The following GPATCH8 variants were observed in gnomAD, a reference collection of about 807,000 sequenced individuals.
GPATCH8 encodes G patch domain-containing protein 8.
Under a neutral mutation model 118.3 loss-of-function variants are expected in GPATCH8, and 18 were observed. That is an observed-to-expected ratio of 0.15 (90% confidence interval 0.11 to 0.23). The LOEUF (loss-of-function observed/expected upper bound fraction) is 0.23, where lower values mean the gene tolerates loss of function less well. Among genes scored for constraint, GPATCH8 ranks in the 10% least tolerant of loss-of-function variants. The pLI, the probability that GPATCH8 is intolerant of heterozygous loss-of-function variation, is 1.00. For missense variants in GPATCH8, 1,631 were observed against 1,873.8 expected (o/e 0.87, Z 2.39); for synonymous variants, 659 against 684.7 (o/e 0.96, Z 0.59).
Position 44,398,986 on chromosome 17 carries a change from A to G in GPATCH8, c.3091T>C (p.Tyr1031His). 1 of 1,613,952 alleles carries G rather than the reference A, an allele frequency of 6.2e-7. No homozygotes were observed. The highest frequency in any genetic ancestry group is 8.5e-7 in the Non-Finnish European group (1 of 1,179,882). The change falls in exon 8 of 8, where the codon TAC becomes CAC. Residue 1031 changes from tyrosine (Y) to histidine (H), a missense_variant. Tyr to His is a moderately conservative substitution (Grantham distance 83). Transcript: ENST00000591680. ...GRRDFIRSKIYRSQSPHYFRS... is the reference protein window; with the variant it reads ...GRRDFIRSKIHRSQSPHYFRS... The stretch of plus-strand genomic sequence containing the variant: ...AAATAGTGGGGGGACTGGGAGCGGT[A>G]GATCTTAGAACGAATGAAGTCCCGA...
intron 5 of GPATCH8, among the ~76,000 whole-genome samples, chr17:44,433,971 T>A (rs1193090096): frequency 1.3e-5 from 2 of 151,710 alleles, no homozygotes; most frequent in African/African-American, 4.8e-5. Context: ...AAACCCCATC[T>A]CTACCAAAAA....
Position 44,433,115 on chromosome 17 carries a change from C to T in GPATCH8, c.348+1950G>A, listed in dbSNP as rs762905931. The stretch of plus-strand genomic sequence containing the variant: ...CTCCCAAAGCACAGCCGTGATCCAC[C>T]GCACCCAGCCGAGAAATAATTCTAT... On this transcript the variant is annotated intron_variant, in intron 5 of 7. Transcript: ENST00000591680. Among the ~76,000 whole-genome samples, 3 of 151,958 alleles carry T rather than the reference C, an allele frequency of 2.0e-5. No homozygotes were observed. The East Asian group carries it at 5.8e-4, about 29-fold the overall frequency.
chr17:44,497,221 G>A (rs573626280), intron 1 of GPATCH8, among the ~76,000 whole-genome samples: 28 of 152,264 alleles, frequency 1.8e-4, no homozygotes, highest in African/African-American at 6.3e-4. Context: ...TAAGTCACAA[G>A]AGCAAAAATG....
chr17:44,414,117 G>GTGTA (rs1188510198), intron 6 of GPATCH8, among the ~76,000 whole-genome samples: 1 of 138,090 alleles, frequency 7.2e-6, no homozygotes, highest in South Asian at 2.2e-4. Flanking sequence ...ATATATATAT[G>GTGTA]TATATATATG....
chr17:44,427,326 A>G (rs1352831362), intron 5 of GPATCH8, among the ~76,000 whole-genome samples: 8 of 151,856 alleles, frequency 5.3e-5, no homozygotes. Flanking sequence ...ATGTTTATAT[A>G]AAATACATAT....
At chr17:44,408,243 G>T (rs2049305169) in intron 6 of GPATCH8, among the ~76,000 whole-genome samples, 1 of 24,574 alleles carries the variant, frequency 4.1e-5, no homozygotes, top group South Asian at 6.4e-4. Context: ...GAGTGCAGTG[G>T]TGTGTGATCT....
chr17:44,499,701 ATTATC>A (rs1221445118), intron 1 of GPATCH8, among the ~76,000 whole-genome samples: 6 of 152,222 alleles, frequency 3.9e-5, no homozygotes. Context: ...CAAAGTGTTG[ATTATC>A]TTAAGTTATA....
chr17:44,425,836 T>G (rs1159499332), intron 5 of GPATCH8, among the ~76,000 whole-genome samples: 1 of 152,146 alleles, frequency 6.6e-6, no homozygotes, highest in African/African-American at 2.4e-5. Flanking sequence ...GCTGCAAATT[T>G]AAGCAACAAA....
chr17:44,458,606 C>T (rs569354808), intron 3 of GPATCH8, among the ~76,000 whole-genome samples: 3 of 152,260 alleles, frequency 2.0e-5, no homozygotes, highest in African/African-American at 7.2e-5. Context: ...ACTGCAACTT[C>T]GAACTCCTGG....
At position 44,399,010 on chromosome 17, in the gene GPATCH8, G is replaced by A. The variant is rs760710156; in HGVS notation, c.3067C>T (p.Arg1023Trp). The change falls in exon 8 of 8, where the codon CGG becomes TGG. Residue 1023 changes from arginine to tryptophan, a missense_variant. Arg to Trp is a moderately radical substitution (Grantham distance 101, BLOSUM62 -3). Coordinates refer to ENST00000591680, the MANE Select transcript of GPATCH8 (RefSeq NM_001002909.4). Reference sequence around the variant, plus strand: ...TAGATCTTAGAACGAATGAAGTCCCGACGCCCAGAATGCCTCTCCTCAGGG... The same window carrying A: ...TAGATCTTAGAACGAATGAAGTCCCAACGCCCAGAATGCCTCTCCTCAGGG... ...ESPEERHSGR[R>W]DFIRSKIYRS... 78 of 1,613,718 alleles carry A rather than the reference G, an allele frequency of 4.8e-5. No individual in the cohort carries two copies. Among genetic ancestry groups the A allele is most frequent in the African/African-American group, 2.1e-4 (16 of 74,876 alleles).
chr17:44,431,403 C>T (rs1273111929), intron 5 of GPATCH8, among the ~76,000 whole-genome samples: 2 of 131,378 alleles, frequency 1.5e-5, no homozygotes, highest in Non-Finnish European at 3.3e-5. Context: ...AAAAAAAAGG[C>T]GAAAAACACA....
At chr17:44,461,616 G>A (rs2051552603) in intron 3 of GPATCH8, among the ~76,000 whole-genome samples, 1 of 152,152 alleles carries the variant, frequency 6.6e-6, no homozygotes, top group African/African-American at 2.4e-5. Flanking sequence ...CATGGAGATG[G>A]AGGCAAAATA....
intron 6 of GPATCH8, among the ~76,000 whole-genome samples, chr17:44,419,495 T>G (rs2049812315): frequency 6.6e-6 from 1 of 152,170 alleles, no homozygotes; most frequent in South Asian, 2.1e-4. Flanking sequence ...ATTATTTTTT[T>G]TTGTTGTCCG....
chr17:44,427,934 T>C (rs2050147462), intron 5 of GPATCH8, among the ~76,000 whole-genome samples: 1 of 152,134 alleles, frequency 6.6e-6, no homozygotes. Context: ...CATCCATCCA[T>C]GTATCCATCC....
Position 44,399,144 on chromosome 17 carries a change from G to A in GPATCH8, c.2933C>T (p.Thr978Ile). 1 of 1,607,264 alleles carries A rather than the reference G, an allele frequency of 6.2e-7. No homozygotes were observed. The highest frequency in any genetic ancestry group is 8.5e-7 in the Non-Finnish European group (1 of 1,174,212). Residue 978 changes from threonine (T) to isoleucine (I), a missense_variant, in exon 8 of 8, where the codon ACA (threonine) becomes ATA (isoleucine). Coordinates refer to ENST00000591680, the MANE Select transcript of GPATCH8 (RefSeq NM_001002909.4). Reference sequence around the variant, plus strand: ...CCGGCTCCGTTGCCAGCTGTGGGCTGTGGTGCTACGGCTTCTCCGCTTGCT... The same window carrying A: ...CCGGCTCCGTTGCCAGCTGTGGGCTATGGTGCTACGGCTTCTCCGCTTGCT... Reference protein sequence around the residue: ...SRSKRRSRSTTAHSWQRSRSY... With the variant: ...SRSKRRSRSTIAHSWQRSRSY...
chr17:44,440,934 T>C (rs1490736519), intron 3 of GPATCH8, among the ~76,000 whole-genome samples: 2 of 152,176 alleles, frequency 1.3e-5, no homozygotes, highest in Non-Finnish European at 2.9e-5. Context: ...CACTGCAACC[T>C]CCGCCTCCCA....
At chr17:44,484,175 G>C (rs1042977116) in intron 1 of GPATCH8, among the ~76,000 whole-genome samples, 3 of 151,114 alleles carry the variant, frequency 2.0e-5, no homozygotes, top group Non-Finnish European at 4.4e-5. Flanking sequence ...GCAGAAACAG[G>C]GTTTCGCCAT....
intron 1 of GPATCH8, among the ~76,000 whole-genome samples, chr17:44,497,571 G>A (rs761449602): frequency 5.3e-5 from 8 of 152,080 alleles, no homozygotes; most frequent in Admixed American, 1.3e-4. Context: ...CTGAGTGACA[G>A]AGTGAGACCT....
intron 3 of GPATCH8, among the ~76,000 whole-genome samples, chr17:44,442,424 T>TA (rs2050734648): frequency 6.6e-6 from 1 of 152,148 alleles, no homozygotes; most frequent in African/African-American, 2.4e-5. Context: ...AAGACGACCT[T>TA]AATGAAGTGC....
Sources: allele counts gnomAD v4.1 joint callset (sites outside exome capture counted in the v4.1 genomes callset), GRCh38; gene constraint gnomAD v4.1.1; transcripts MANE v1.5; gene names NCBI Gene and HGNC (gene_info 2026-07-23, HGNC 2026-07-21).